Variants in SMCR8 observed in about 807,000 individuals in gnomAD.
SMCR8 encodes the protein guanine nucleotide exchange protein SMCR8.
SMCR8 carries 30 observed loss-of-function variants against 56.6 expected under a neutral mutation model. That is an observed-to-expected ratio of 0.53 (90% CI 0.40 to 0.72). The LOEUF is 0.72. Among genes scored for constraint, SMCR8 ranks in the 30% least tolerant of loss-of-function variants. The pLI, the probability that SMCR8 is intolerant of heterozygous loss-of-function variation, is 0.00. For synonymous variants in SMCR8, 538 were observed against 456.0 expected (o/e 1.18, Z -2.29); for missense variants, 1,198 against 1,157.0 (o/e 1.04, Z -0.51).
rs1982343429 is a variant in SMCR8, at chr17:18,317,332, G to A, written c.1543G>A (p.Asp515Asn). ...KAVSHRTISE[D>N]SIEVLSTCPS... is the part of the protein sequence containing the mutation. Reference sequence around the variant, plus strand: ...AGTCAGCCACAGGACCATCAGCGAGGACAGTATTGAAGTCCTCAGTACCTG... The same window carrying A: ...AGTCAGCCACAGGACCATCAGCGAGAACAGTATTGAAGTCCTCAGTACCTG... Residue 515 changes from aspartate to asparagine, a missense_variant, in exon 1 of 2, where the codon GAC becomes AAC. Physicochemically the swap from Asp to Asn is conservative, Grantham distance 23. Transcript: ENST00000406438. The A allele has an allele frequency of 6.2e-7, 1 of 1,614,096 alleles. No homozygotes were observed. Among genetic ancestry groups the A allele is most frequent in the Non-Finnish European group, 8.5e-7 (1 of 1,180,030 alleles).
chr17:18,317,784 G>C lies in SMCR8; in HGVS notation c.1995G>C (p.Lys665Asn). 1 of 1,614,140 alleles carries C rather than the reference G, an allele frequency of 6.2e-7. No individual in the cohort carries two copies. Among genetic ancestry groups the C allele is most frequent in the Non-Finnish European group, 8.5e-7 (1 of 1,180,030 alleles). The part of the protein sequence containing the change: ...SHLLASRDIS[K>N]TSLDNYSDTT... ...TGCTGGCTAGCCGGGACATCAGTAA[G>C]ACCAGCCTGGACAACTACTCAGACA... The change falls in exon 1 of 2, where the codon AAG becomes AAC. Residue 665 changes from lysine to asparagine, a missense_variant. Transcript: ENST00000406438.
At chr17:18,318,395 GTTTTTA>G (rs1182335330) in intron 1 of SMCR8, among the ~76,000 whole-genome samples, 2 of 152,122 alleles carry the variant, frequency 1.3e-5, no homozygotes. Context: ...ATTAGGGAAA[GTTTTTA>G]TTTTTATTTT....
rs1392265215 is a variant in SMCR8 at position 18,316,062 on chromosome 17, C to T, written c.273C>T (p.Ser91=). 12 of 1,614,014 alleles carry T rather than the reference C, an allele frequency of 7.4e-6. No individual in the cohort carries two copies. The East Asian group carries it at 1.1e-4, about 15-fold the overall frequency. The change falls in exon 1 of 2, where the codon TCC becomes TCT. Residue 91 remains serine, a synonymous_variant. Coordinates refer to ENST00000406438, the MANE Select transcript of SMCR8 (RefSeq NM_144775.3). ...GCACTTTTGATCTCAATTACTTCTC[C>T]CTGCGTATCATGTCTGTGGATTACC... is the stretch of plus-strand genomic sequence containing the variant. ...VFGTFDLNYF[S]LRIMSVDYQA...
chr17:18,316,625 G>T lies in SMCR8; in HGVS notation c.836G>T (p.Ser279Ile), dbSNP rs758055954. The T allele has an allele frequency of 1.2e-5, 19 of 1,614,060 alleles. No individual in the cohort carries two copies. The highest frequency in any genetic ancestry group is 1.6e-5 in the Non-Finnish European group (19 of 1,180,042). The change falls in exon 1 of 2, where the codon AGC becomes ATC. Residue 279 changes from serine to isoleucine, a missense_variant. Transcript: ENST00000406438. ...ATGGAGCACATCCAGGATCAGGCCA[G>T]CCAGGCATCCACTACCTCTAACCCT... is the stretch of plus-strand genomic sequence containing the variant. ...GEMEHIQDQA[S>I]QASTTSNPDE... is the part of the protein sequence containing the mutation.
In SMCR8 at chr17:18,315,722, T is replaced by G; in HGVS notation, c.-68T>G. On this transcript the variant is annotated 5_prime_UTR_variant, in exon 1 of 2. Coordinates refer to ENST00000406438, the MANE Select transcript of SMCR8 (RefSeq NM_144775.3). ...CACTTCCTTCTCCGGAGGCCTGCCTTCTGCGCGTCGATTAACACCGCATTC... is the reference window on the plus strand; with the variant it reads ...CACTTCCTTCTCCGGAGGCCTGCCTGCTGCGCGTCGATTAACACCGCATTC... The G allele has an allele frequency of 6.9e-7, 1 of 1,447,772 alleles. No individual in the cohort carries two copies. Among genetic ancestry groups the G allele is most frequent in the Non-Finnish European group, 9.3e-7 (1 of 1,073,000 alleles). The allele number at this position is 1,447,772 out of a possible 1,614,324, so 89.7% of individuals were successfully genotyped here.
chr17:18,318,130 A>C lies in SMCR8; in HGVS notation c.2341A>C (p.Lys781Gln). 6.2e-7 allele frequency: 1 copy of C among 1,612,618 alleles called. No individual in the cohort carries two copies. Among genetic ancestry groups the C allele is most frequent in the Non-Finnish European group, 8.5e-7 (1 of 1,178,666 alleles). ...PLHIMDFQKW[K>Q]LIGLQRVASP... ...GCACATTATGGATTTTCAGAAGTGG[A>C]AGCTTATTGGCTTGCAGAGGTAACT... is the stretch of plus-strand genomic sequence containing the variant. The change falls in exon 1 of 2, where the codon AAG (lysine) becomes CAG (glutamine). Residue 781 changes from lysine to glutamine, a missense_variant. Transcript: ENST00000406438.
chr17:18,317,936 A>G lies in SMCR8; in HGVS notation c.2147A>G (p.Gln716Arg), dbSNP rs200558582. Residue 716 changes from glutamine to arginine, a missense_variant, in exon 1 of 2, where the codon CAG (glutamine) becomes CGG (arginine). Physicochemically the swap from Gln to Arg is conservative, Grantham distance 43 (BLOSUM62 1). Transcript: ENST00000406438. ...CAGAACGCCTTAAAATTCATCCGCC[A>G]GTACCCCTTTGCCCACCCAGCCATC... Reference protein sequence around the residue: ...AGQNALKFIRQYPFAHPAIYS... With the variant: ...AGQNALKFIRRYPFAHPAIYS... 9.4e-5 allele frequency: 151 copies of G among 1,614,216 alleles called. 1 individual carries two copies. In the East Asian group the frequency reaches 2.7e-3, roughly 29 times the overall value.
chr17:18,323,014 A>G lies in SMCR8; in HGVS notation c.2758A>G (p.Thr920Ala), dbSNP rs764129740. 1.2e-6 allele frequency: 2 copies of G among 1,614,166 alleles called. No individual in the cohort carries two copies. Among genetic ancestry groups the G allele is most frequent in the Admixed American group, 3.3e-5 (2 of 60,026 alleles). The change falls in exon 2 of 2, where the codon ACC (threonine) becomes GCC (alanine). Residue 920 changes from threonine (T) to alanine (A), a missense_variant. Thr to Ala is a moderately conservative substitution (Grantham distance 58). Transcript: ENST00000406438. ...GCACTACATGCAGGAATCTCCAGGG[A>G]CCAGCCACCCCATGCTCAGGTTTGA... Reference protein sequence around the residue: ...KLHYMQESPGTSHPMLRFDYV... With the variant: ...KLHYMQESPGASHPMLRFDYV...
chr17:18,325,738 C>G lies in SMCR8; in HGVS notation c.*2668C>G, dbSNP rs1482426312. The G allele has an allele frequency of 2.0e-5, 3 of 152,190 alleles. No individual in the cohort carries two copies. The highest frequency in any genetic ancestry group is 2.9e-5 in the Non-Finnish European group (2 of 68,074). The allele number at this position is 152,190 out of a possible 1,614,324, so 9.4% of individuals were successfully genotyped here. On this transcript the variant is annotated 3_prime_UTR_variant, in exon 2 of 2. Transcript: ENST00000406438. ...CATCTCTAAACCTCAGTGCTGAGACCTATGCAGTGGGACTAATCTCATCAA... is the reference window on the plus strand; with the variant it reads ...CATCTCTAAACCTCAGTGCTGAGACGTATGCAGTGGGACTAATCTCATCAA...
chr17:18,322,068 G>GT (rs1982514436), intron 1 of SMCR8, among the ~76,000 whole-genome samples: 1 of 152,226 alleles, frequency 6.6e-6, no homozygotes, highest in Non-Finnish European at 1.5e-5. Flanking sequence ...CTAGAGTGCA[G>GT]TGGCACGATT....
Position 18,326,696 on chromosome 17 carries a change from C to G in SMCR8, c.*3626C>G, listed in dbSNP as rs531166522. The G allele has an allele frequency of 6.6e-6, 1 of 152,308 alleles. No individual in the cohort carries two copies. The highest frequency in any genetic ancestry group is 2.1e-4 in the South Asian group (1 of 4,836). 9.4% of individuals were successfully genotyped at this position (152,308 alleles called of 1,614,324 possible). A position where few individuals can be genotyped will look rare whatever the true frequency, so the allele number is the denominator to read the frequency against. On this transcript the variant is annotated 3_prime_UTR_variant, in exon 2 of 2. Transcript: ENST00000406438. The stretch of plus-strand genomic sequence containing the variant: ...GAAGGCCCACCAATTTCATTTCACG[C>G]GCCAGGGCGGCTGCAGTTGGAGGCC...
At position 18,316,709 on chromosome 17, in the gene SMCR8, TC is replaced by T; in HGVS notation, c.921del (p.Ala309GlnfsTer11). ...TCRPAYTPKL[I>X]KAKSTKCFDK... ...AGACCAGCCTACACCCCAAAACTTA[TC>T]AAAGCAAAGTCCACCAAGTGTTTTG... On this transcript the variant is annotated frameshift_variant, in exon 1 of 2. Coordinates refer to ENST00000406438, the MANE Select transcript of SMCR8 (RefSeq NM_144775.3). LOFTEE classifies it high-confidence loss of function. The T allele has an allele frequency of 6.2e-7, 1 of 1,614,124 alleles. No homozygotes were observed. The highest frequency in any genetic ancestry group is 8.5e-7 in the Non-Finnish European group (1 of 1,180,016).
chr17:18,317,026 A>C lies in SMCR8; in HGVS notation c.1237A>C (p.Ile413Leu), dbSNP rs777944651. 2 of 1,614,144 alleles carry C rather than the reference A, an allele frequency of 1.2e-6. No individual in the cohort carries two copies. Among genetic ancestry groups the C allele is most frequent in the African/African-American group, 1.3e-5 (1 of 75,012 alleles). ...LEECPIPKVL[I>L]SVGSYKSSVE... ...AGAATGCCCAATTCCTAAAGTGTTA[A>C]TTAGTGTTGGTTCTTACAAGTCCAG... Residue 413 changes from isoleucine to leucine, a missense_variant, in exon 1 of 2, where the codon ATT (isoleucine) becomes CTT (leucine). Ile to Leu is a conservative substitution (Grantham distance 5). Transcript: ENST00000406438.
chr17:18,316,418 A>G lies in SMCR8; in HGVS notation c.629A>G (p.His210Arg), dbSNP rs1318226888. The G allele has an allele frequency of 6.2e-7, 1 of 1,614,068 alleles. No individual in the cohort carries two copies. Among genetic ancestry groups the G allele is most frequent in the Non-Finnish European group, 8.5e-7 (1 of 1,180,054 alleles). ...TTGGATTACACCAGGACAGTGCTACACACAGAAACGGAGATCCAGAAGAAA... is the reference window on the plus strand; with the variant it reads ...TTGGATTACACCAGGACAGTGCTACGCACAGAAACGGAGATCCAGAAGAAA... ...KDLDYTRTVL[H>R]TETEIQKKAN... Residue 210 changes from histidine (H) to arginine (R), a missense_variant, in exon 1 of 2, where the codon CAC becomes CGC. Physicochemically the swap from His to Arg is conservative, Grantham distance 29 (BLOSUM62 0). Transcript: ENST00000406438.
intron 1 of SMCR8, among the ~76,000 whole-genome samples, chr17:18,320,656 C>T (rs1221509331): frequency 2.0e-5 from 3 of 152,158 alleles, no homozygotes; most frequent in Admixed American, 6.5e-5. Context: ...TTGAGGAGAG[C>T]GTCTCACTGC....
intron 1 of SMCR8, among the ~76,000 whole-genome samples, chr17:18,318,856 A>G (rs751226198): frequency 3.9e-5 from 6 of 152,210 alleles, no homozygotes; most frequent in Non-Finnish European, 5.9e-5. Flanking sequence ...ATCAGAAGGG[A>G]CAGATGACTC....
chr17:18,320,549 A>G (rs1344225095), intron 1 of SMCR8, among the ~76,000 whole-genome samples: 1 of 151,982 alleles, frequency 6.6e-6, no homozygotes, highest in Non-Finnish European at 1.5e-5. Flanking sequence ...GGAGCTTGGG[A>G]GGTGTTTGAC....
At position 18,317,204 on chromosome 17, in the gene SMCR8, T is replaced by C. The variant is rs766251661; in HGVS notation, c.1415T>C (p.Ile472Thr). Residue 472 changes from isoleucine to threonine, a missense_variant, in exon 1 of 2, where the codon ATT becomes ACT. Ile to Thr is a moderately conservative substitution (Grantham distance 89). Transcript: ENST00000406438. ...MKGSISSGESIEVLGTEKSTS... is the reference protein window; with the variant it reads ...MKGSISSGESTEVLGTEKSTS... Reference sequence around the variant, plus strand: ...GGGAGTATCAGCAGTGGTGAAAGTATTGAAGTTTTGGGCACGGAGAAATCC... The same window carrying C: ...GGGAGTATCAGCAGTGGTGAAAGTACTGAAGTTTTGGGCACGGAGAAATCC... 6.8e-6 allele frequency: 11 copies of C among 1,614,064 alleles called. No individual in the cohort carries two copies. The East Asian group carries it at 2.2e-4, about 33-fold the overall frequency.
Position 18,315,915 on chromosome 17 carries a change from T to A in SMCR8, c.126T>A (p.Ala42=). 1 of 1,614,210 alleles carries A rather than the reference T, an allele frequency of 6.2e-7. No homozygotes were observed. ...VPLFPFASQG[A]NPWSKLSGAK... ...TCTTCCCCTTCGCCAGTCAGGGTGC[T>A]AACCCCTGGTCAAAACTGTCCGGGG... Residue 42 remains alanine, a synonymous_variant, in exon 1 of 2, where the codon GCT becomes GCA. Coordinates refer to ENST00000406438, the MANE Select transcript of SMCR8 (RefSeq NM_144775.3).
Sources: gnomAD v4.1 joint callset for allele counts (sites outside exome capture counted in the v4.1 genomes callset) on GRCh38, gnomAD v4.1.1 for gene constraint, MANE v1.5 for transcripts, NCBI Gene and HGNC (gene_info 2026-07-23, HGNC 2026-07-21) for gene names.